Variants in DMD observed in about 807,000 individuals in gnomAD.
The protein encoded by DMD is dystrophin, also known as mutant dystrophin.
DMD carries 63 observed loss-of-function variants against 330.1 expected under a neutral mutation model. That is an observed-to-expected ratio of 0.19 (90% CI 0.16 to 0.24). The LOEUF is 0.24. Ranked by LOEUF, DMD falls within the 10% of genes least tolerant of loss-of-function variation. DMD has a pLI of 1.00. For missense variants in DMD, 3,344 were observed against 2,684.1 expected, an observed-to-expected ratio of 1.25 and a Z score of -5.43; for synonymous variants, 1,223 against 959.8, an observed-to-expected ratio of 1.27 and a Z score of -5.07.
In DMD at chrX:31,120,980, G is replaced by A. The variant is rs910208087; in HGVS notation, c.*939C>T. On this transcript the variant is annotated 3_prime_UTR_variant, in exon 79 of 79. Coordinates refer to ENST00000357033, the MANE Select transcript of DMD (RefSeq NM_004006.3). ...AAATCCAATACTTTACTTTACTTTC[G>A]TTGTCAGTGGAAAGTTGTTTAAAAT... 1 of 110,769 alleles carries A rather than the reference G, an allele frequency of 9.0e-6. No homozygotes were observed. Among genetic ancestry groups the A allele is most frequent in the Non-Finnish European group, 1.9e-5 (1 of 52,874 alleles). The allele number at this position is 110,769 out of a possible 1,213,427, so 9.1% of individuals were successfully genotyped here. A position where few individuals can be genotyped will look rare whatever the true frequency, so the allele number is the denominator to read the frequency against.
At chrX:32,584,055 G>A (rs808560) in intron 13 of DMD, among the ~76,000 whole-genome samples, 47,634 of 109,710 alleles carry the variant, frequency 0.43, 9,398 homozygotes, top group African/African-American at 0.76. Flanking sequence ...AATATAAACA[G>A]CAAAGAATAC....
intron 43 of DMD, among the ~76,000 whole-genome samples, chrX:32,259,321 G>C (rs745317754): frequency 1.8e-5 from 2 of 110,706 alleles, no homozygotes; most frequent in Non-Finnish European, 3.8e-5. Flanking sequence ...TCATTTTAAA[G>C]ACTCTTTTAC....
In DMD at chrX:32,728,513, C is replaced by G. The variant is rs113043430; in HGVS notation, c.650-29220G>C. Among the ~76,000 whole-genome samples the G allele has an allele frequency of 8.1e-3, 907 of 111,681 alleles. 16 individuals are homozygous for G. The highest frequency in any genetic ancestry group is 0.028 in the African/African-American group (863 of 30,779). Reference sequence around the variant, plus strand: ...TTAATCCATGGCTGCTTTTTATACGCAGCTGCTTTATTTGAGCTTAGAGAG... The same window carrying G: ...TTAATCCATGGCTGCTTTTTATACGGAGCTGCTTTATTTGAGCTTAGAGAG... On this transcript the variant is annotated intron_variant, in intron 7 of 78. Transcript: ENST00000357033.
intron 2 of DMD, among the ~76,000 whole-genome samples, chrX:32,933,015 AT>A (rs1475469096): frequency 8.9e-6 from 1 of 111,820 alleles, no homozygotes; most frequent in Non-Finnish European, 1.9e-5. Context: ...CCAAACGTAT[AT>A]GGCTAAAATT....
At chrX:33,319,896 A>G (rs1031886546) in intron 1 of DMD, among the ~76,000 whole-genome samples, 1 of 111,690 alleles carries the variant, frequency 9.0e-6, no homozygotes, top group Admixed American at 9.6e-5. Context: ...ATGAGCAATA[A>G]TTTAGATTGA....
intron 43 of DMD, among the ~76,000 whole-genome samples, chrX:32,239,511 A>G (rs2097200245): frequency 8.9e-6 from 1 of 111,817 alleles, no homozygotes; most frequent in African/African-American, 3.2e-5. Context: ...TAACTGACTT[A>G]CATACATTGA....
intron 53 of DMD, among the ~76,000 whole-genome samples, chrX:31,661,586 T>C (rs2148637485): frequency 8.9e-6 from 1 of 111,836 alleles, no homozygotes; most frequent in South Asian, 3.8e-4. Context: ...ACACACACCC[T>C]TTTCTCTTTC....
chrX:32,896,738 C>A (rs958202236), intron 2 of DMD, among the ~76,000 whole-genome samples: 3 of 112,550 alleles, frequency 2.7e-5, no homozygotes, highest in African/African-American at 9.7e-5. Context: ...TTTACAATGA[C>A]AAAATGAACA....
intron 55 of DMD, among the ~76,000 whole-genome samples, chrX:31,608,332 C>T (rs765793328): frequency 1.4e-4 from 16 of 111,203 alleles, no homozygotes; most frequent in Non-Finnish European, 2.5e-4. Flanking sequence ...TCAAGATTGG[C>T]GGTAACACAT....
At chrX:32,915,031 C>T (rs1244582632) in intron 2 of DMD, among the ~76,000 whole-genome samples, 1 of 111,533 alleles carries the variant, frequency 9.0e-6, no homozygotes, top group African/African-American at 3.3e-5. Context: ...CTGAAACCCA[C>T]AGTCTTACCT....
rs181888601 is a variant in DMD, at chrX:33,162,510, C to T, written c.31+48772G>A. Among the ~76,000 whole-genome samples the T allele has an allele frequency of 2.7e-5, 3 of 111,457 alleles. No individual in the cohort carries two copies. The East Asian group carries it at 8.5e-4, about 32-fold the overall frequency. On this transcript the variant is annotated intron_variant, in intron 1 of 78. Transcript: ENST00000357033. ...AAAAGATAAAAGTGAATAGATGTGT[C>T]AAAAGCAGATTTAATGGGAATTGAC... is the stretch of plus-strand genomic sequence containing the variant.
chrX:31,660,205 T>A (rs915013898), intron 53 of DMD, among the ~76,000 whole-genome samples: 1 of 112,319 alleles, frequency 8.9e-6, no homozygotes, highest in African/African-American at 3.2e-5. Flanking sequence ...GTTGCTGCTA[T>A]TACAAAACAA....
At chrX:31,323,998 T>G (rs1018788042) in intron 61 of DMD, among the ~76,000 whole-genome samples, 1 of 111,691 alleles carries the variant, frequency 9.0e-6, no homozygotes, top group African/African-American at 3.3e-5. Context: ...TACTTCCTGT[T>G]GCTGGTTCTC....
intron 19 of DMD, among the ~76,000 whole-genome samples, chrX:32,495,172 AT>A (rs773355763): frequency 8.9e-6 from 1 of 112,096 alleles, no homozygotes; most frequent in African/African-American, 3.2e-5. Flanking sequence ...GTATGCAAAC[AT>A]TGTATTAATT....
chrX:31,472,791 G>A (rs995870573), intron 59 of DMD, among the ~76,000 whole-genome samples: 6 of 112,225 alleles, frequency 5.3e-5, no homozygotes, highest in African/African-American at 1.3e-4. Context: ...GCCAAAAAAG[G>A]TTTAATCAAA....
chrX:32,874,100 C>T (rs2083202037), intron 2 of DMD, among the ~76,000 whole-genome samples: 1 of 111,815 alleles, frequency 8.9e-6, no homozygotes, highest in Non-Finnish European at 1.9e-5. Flanking sequence ...TAAGTCTATC[C>T]CTCACAGCAG....
chrX:32,742,350 T>A (rs1478766295), intron 7 of DMD, among the ~76,000 whole-genome samples: 1 of 111,778 alleles, frequency 8.9e-6, no homozygotes, highest in Non-Finnish European at 1.9e-5. Context: ...GCCAATAGGA[T>A]AAAATACATC....
At chrX:32,876,698 C>T (rs760957480) in intron 2 of DMD, among the ~76,000 whole-genome samples, 1 of 111,261 alleles carries the variant, frequency 9.0e-6, no homozygotes, top group South Asian at 3.8e-4. Context: ...TTTTTTTAAT[C>T]CCCTACTAAA....
chrX:32,450,479 G>C (rs967022373), intron 26 of DMD, among the ~76,000 whole-genome samples: 1 of 110,822 alleles, frequency 9.0e-6, no homozygotes, highest in Non-Finnish European at 1.9e-5. Context: ...TTTGACTTTA[G>C]TAATTATAGT....
Sources: allele counts gnomAD v4.1 joint callset (sites outside exome capture counted in the v4.1 genomes callset), GRCh38; gene constraint gnomAD v4.1.1; transcripts MANE v1.5; gene names NCBI Gene and HGNC (gene_info 2026-07-23, HGNC 2026-07-21).